The following GPHN variants were observed in gnomAD, a reference collection of about 807,000 sequenced individuals.
GPHN encodes gephyrin.
Under a neutral mutation model 95.5 loss-of-function variants are expected in GPHN, and 17 were observed. The observed-to-expected ratio is 0.18, with a 90% CI of 0.12 to 0.27. GPHN has a LOEUF of 0.27. GPHN is among the 10% of genes least tolerant of loss of function. GPHN has a pLI of 1.00. For synonymous variants in GPHN, 320 were observed against 322.5 expected, an observed-to-expected ratio of 0.99 and a Z score of 0.08; for missense variants, 660 against 978.1, an observed-to-expected ratio of 0.67 and a Z score of 4.34.
At chr14:67,630,666 G>A in the GPHN span, among the ~76,000 whole-genome samples, 1 of 152,094 alleles carries the variant, frequency 6.6e-6, no homozygotes, top group Admixed American at 6.5e-5. Flanking sequence ...TGCAACCTCC[G>A]CCTCCCAGGT....
intron 4 of GPHN, among the ~76,000 whole-genome samples, chr14:66,846,154 A>AG (rs1319894169): frequency 4.6e-5 from 7 of 152,082 alleles, no homozygotes; most frequent in African/African-American, 9.7e-5. Flanking sequence ...CAACAATTTT[A>AG]GGGGGGGTGA....
chr14:67,692,632 T>C, the GPHN span: 1 of 1,512,840 alleles, frequency 6.6e-7, no homozygotes, highest in Non-Finnish European at 8.8e-7. Flanking sequence ...GTCAGCTCTG[T>C]TTTTGAGCTG....
At chr14:67,569,312 G>C in the GPHN span, 2 of 855,658 alleles carry the variant, frequency 2.3e-6, no homozygotes, top group African/African-American at 3.3e-5. Context: ...CCAGGGCCAG[G>C]GTTGGCTGGC....
downstream of GPHN, among the ~76,000 whole-genome samples, chr14:67,182,576 C>G (rs2083341099): frequency 6.6e-6 from 1 of 152,158 alleles, no homozygotes; most frequent in Non-Finnish European, 1.5e-5. Context: ...TATGTACATT[C>G]ATTCAAGAAA....
At chr14:67,167,932 C>T (rs1456995398) in intron 20 of GPHN, among the ~76,000 whole-genome samples, 1 of 152,196 alleles carries the variant, frequency 6.6e-6, no homozygotes, top group Non-Finnish European at 1.5e-5. Context: ...ACAGCCCACC[C>T]TTCCTCCTTT....
intron 11 of GPHN, among the ~76,000 whole-genome samples, chr14:67,070,722 A>T (rs534199085): frequency 1.4e-5 from 2 of 142,042 alleles, no homozygotes; most frequent in South Asian, 4.5e-4. Context: ...AAAAATATAT[A>T]TATATATCCA....
rs2066956209 is a variant in GPHN at position 66,681,877 on chromosome 14, C to T, written c.143+692C>T. ...AAAAAATAATTAAAACTAGTTAAGCCTGCGAAGCAGAGTAAAGAAAATTGA... is the reference window on the plus strand; with the variant it reads ...AAAAAATAATTAAAACTAGTTAAGCTTGCGAAGCAGAGTAAAGAAAATTGA... On this transcript the variant is annotated intron_variant, in intron 2 of 22. Coordinates refer to ENST00000478722, the MANE Select transcript of GPHN (RefSeq NM_020806.5). 2.0e-5 allele frequency among the ~76,000 whole-genome samples: 3 copies of T among 152,116 alleles called. No homozygotes were observed. The South Asian group carries it at 6.2e-4, about 32-fold the overall frequency.
chr14:67,044,381 A>G (rs1026322643), intron 10 of GPHN, among the ~76,000 whole-genome samples: 1 of 152,136 alleles, frequency 6.6e-6, no homozygotes, highest in African/African-American at 2.4e-5. Context: ...CTCACTTAAT[A>G]TTCCCAGAAA....
At chr14:66,968,543 A>G (rs774448169) in intron 9 of GPHN, among the ~76,000 whole-genome samples, 1 of 152,134 alleles carries the variant, frequency 6.6e-6, no homozygotes, top group African/African-American at 2.4e-5. Context: ...TATTTTGTCT[A>G]CATCAGAAAT....
At chr14:66,813,399 G>T (rs2060837968) in intron 3 of GPHN, among the ~76,000 whole-genome samples, 1 of 152,190 alleles carries the variant, frequency 6.6e-6, no homozygotes, top group African/African-American at 2.4e-5. Context: ...AGACATAGAA[G>T]CTGGGCTAAA....
chr14:67,111,654 A>T (rs1240746013), intron 14 of GPHN, among the ~76,000 whole-genome samples: 1 of 152,138 alleles, frequency 6.6e-6, no homozygotes, highest in Non-Finnish European at 1.5e-5. Context: ...TTGGAGAAAA[A>T]AATTTTTTAT....
At position 67,066,160 on chromosome 14, in the gene GPHN, T is replaced by G. The variant is rs1022296480; in HGVS notation, c.1144+7374T>G. 2.0e-5 allele frequency among the ~76,000 whole-genome samples: 3 copies of G among 152,224 alleles called. No individual in the cohort carries two copies. In the South Asian group the frequency reaches 6.2e-4, roughly 32 times the overall value. ...GTGACAAAATCTCTGAGCATTTGCT[T>G]GTCTGTAAAGGACTTTATTTCTCCT... On this transcript the variant is annotated intron_variant, in intron 11 of 22. Coordinates refer to ENST00000478722, the MANE Select transcript of GPHN (RefSeq NM_020806.5).
intron 11 of GPHN, among the ~76,000 whole-genome samples, chr14:67,064,164 G>A (rs1365687579): frequency 6.6e-6 from 1 of 152,130 alleles, no homozygotes; most frequent in Non-Finnish European, 1.5e-5. Context: ...TTTTGTCGAA[G>A]GCCTTTTCTG....
chr14:67,392,667 T>C, the GPHN span: 1 of 1,609,708 alleles, frequency 6.2e-7, no homozygotes, highest in Non-Finnish European at 8.5e-7. Context: ...CTTACAAAAG[T>C]GTACAGGGCT....
rs187944508 is a variant in GPHN at position 66,636,087 on chromosome 14, C to T, written c.65-45020C>T. Among the ~76,000 whole-genome samples, 25 of 152,086 alleles carry T rather than the reference C, an allele frequency of 1.6e-4. No homozygotes were observed. The East Asian group carries it at 4.8e-3, about 29-fold the overall frequency. On this transcript the variant is annotated intron_variant, in intron 1 of 22. Coordinates refer to ENST00000478722, the MANE Select transcript of GPHN (RefSeq NM_020806.5). ...TGTAATTTCTCACTGGTAAATTTTC[C>T]TTAAAATATAAATTGCTCCCTGGAT... is the stretch of plus-strand genomic sequence containing the variant.
At chr14:66,915,869 T>C (rs2065871499) in intron 5 of GPHN, 134 bp from the exon 6 acceptor site, 2 of 707,704 alleles carry the variant, frequency 2.8e-6, no homozygotes, top group Non-Finnish European at 5.2e-6. Flanking sequence ...AAGCAGTGAA[T>C]GTCTTAAGAT....
At chr14:67,226,083 G>A in the GPHN span, among the ~76,000 whole-genome samples, 1 of 152,180 alleles carries the variant, frequency 6.6e-6, no homozygotes, top group African/African-American at 2.4e-5. Context: ...TCTTGGCAGG[G>A]CCTTGCTGAT....
chr14:67,464,672 A>C, the GPHN span, among the ~76,000 whole-genome samples: 2 of 152,258 alleles, frequency 1.3e-5, no homozygotes, highest in Admixed American at 1.3e-4. Context: ...GCTTCAGACT[A>C]AATAGCATCT....
intron 1 of GPHN, among the ~76,000 whole-genome samples, chr14:66,601,177 G>A (rs1385780987): frequency 6.6e-6 from 1 of 151,938 alleles, no homozygotes; most frequent in Non-Finnish European, 1.5e-5. Context: ...TTTACCCTTA[G>A]GAGCTATTTC....
Sources: gnomAD v4.1 joint callset for allele counts (sites outside exome capture counted in the v4.1 genomes callset) on GRCh38, gnomAD v4.1.1 for gene constraint, MANE v1.5 for transcripts, NCBI Gene and HGNC (gene_info 2026-07-23, HGNC 2026-07-21) for gene names.